Variants in GARIN1A observed in about 807,000 individuals in gnomAD.
The protein encoded by GARIN1A is Golgi-associated RAB2 interactor protein 1A.
the GARIN1A span, among the ~76,000 whole-genome samples, chr7:128,701,553 GC>G: frequency 6.6e-6 from 1 of 152,062 alleles, no homozygotes; most frequent in Non-Finnish European, 1.5e-5. Flanking sequence ...CACAGTCTAA[GC>G]TAATTCTGAT....
the GARIN1A span, among the ~76,000 whole-genome samples, chr7:128,696,370 C>T: frequency 3.2e-3 from 489 of 152,116 alleles, 2 homozygotes; most frequent in Admixed American, 4.7e-3. Context: ...TTGAAACTGC[C>T]CACTGCCCCT....
the GARIN1A span, among the ~76,000 whole-genome samples, chr7:128,699,922 G>A: frequency 6.6e-6 from 1 of 151,888 alleles, no homozygotes; most frequent in Non-Finnish European, 1.5e-5. Context: ...TATGTTCCTG[G>A]TGAATTGAAC....
the GARIN1A span, among the ~76,000 whole-genome samples, chr7:128,673,201 G>A: frequency 6.6e-6 from 1 of 152,206 alleles, no homozygotes; most frequent in Non-Finnish European, 1.5e-5. Flanking sequence ...AACATCTACT[G>A]AGTGCAGGGC....
At chr7:128,698,983 C>T in the GARIN1A span, among the ~76,000 whole-genome samples, 1 of 152,160 alleles carries the variant, frequency 6.6e-6, no homozygotes, top group Non-Finnish European at 1.5e-5. Context: ...CCTGTGTCAG[C>T]TAACTTATTG....
chr7:128,677,798 C>G, the GARIN1A span: 1 of 1,613,586 alleles, frequency 6.2e-7, no homozygotes, highest in Non-Finnish European at 8.5e-7. Flanking sequence ...TGCCCACCAA[C>G]TCCACAGAAA....
chr7:128,687,223 A>G, the GARIN1A span: 1 of 152,172 alleles, frequency 6.6e-6, no homozygotes, highest in Non-Finnish European at 1.5e-5. Flanking sequence ...TTCTCACCCA[A>G]TTGTGGCTAT....
chr7:128,690,638 T>C, the GARIN1A span: 1 of 152,304 alleles, frequency 6.6e-6, no homozygotes, highest in East Asian at 1.9e-4. Context: ...TTTTTATTTT[T>C]AAAAAATCTT....
the GARIN1A span, among the ~76,000 whole-genome samples, chr7:128,695,478 A>G: frequency 6.6e-6 from 1 of 152,324 alleles, no homozygotes; most frequent in Middle Eastern, 3.4e-3. The surrounding 1 kb of genome is among the most constrained non-coding windows in gnomAD (Gnocchi z 4.5). Flanking sequence ...CTTCATGGTC[A>G]CCACAAGGAG....
chr7:128,697,120 G>A, the GARIN1A span, among the ~76,000 whole-genome samples: 3 of 152,148 alleles, frequency 2.0e-5, no homozygotes, highest in Admixed American at 1.3e-4. Context: ...AATAAGTGGG[G>A]TTCAGATCCC....
the GARIN1A span, among the ~76,000 whole-genome samples, chr7:128,680,421 G>A: frequency 6.6e-6 from 1 of 152,222 alleles, no homozygotes; most frequent in Non-Finnish European, 1.5e-5. Flanking sequence ...TCAAAGAAGT[G>A]TAAGCTAACA....
At chr7:128,671,759 C>T in the GARIN1A span, among the ~76,000 whole-genome samples, 1 of 151,830 alleles carries the variant, frequency 6.6e-6, no homozygotes, top group Non-Finnish European at 1.5e-5. Flanking sequence ...CTCCAGCATA[C>T]AACTGTGCCA....
chr7:128,672,530 T>G, the GARIN1A span: 3 of 1,610,108 alleles, frequency 1.9e-6, no homozygotes, highest in South Asian at 2.2e-5. Context: ...CTCGGTGGTG[T>G]TTGAAAGCAA....
chr7:128,700,543 G>C, the GARIN1A span, among the ~76,000 whole-genome samples: 9 of 152,286 alleles, frequency 5.9e-5, no homozygotes, highest in East Asian at 1.5e-3. Flanking sequence ...GCCTCCCCAA[G>C]TGCTGGGATT....
the GARIN1A span, among the ~76,000 whole-genome samples, chr7:128,680,567 TTTA>T: frequency 3.6e-4 from 42 of 115,490 alleles, 2 homozygotes; most frequent in East Asian, 5.8e-4. Flanking sequence ...TTTCTTTCTT[TTTA>T]TTTTTTTTTT....
the GARIN1A span, chr7:128,683,100 G>A: frequency 1.9e-6 from 3 of 1,612,650 alleles, no homozygotes; most frequent in Admixed American, 1.7e-5. Flanking sequence ...GGACTGGAAT[G>A]AGCACCTTCT....
chr7:128,677,923 G>T, the GARIN1A span: 5 of 908,184 alleles, frequency 5.5e-6, no homozygotes, highest in Non-Finnish European at 7.9e-6. Flanking sequence ...AAAGCTCTTT[G>T]TAAATATCAT....
the GARIN1A span, among the ~76,000 whole-genome samples, chr7:128,689,098 C>A: frequency 6.6e-6 from 1 of 152,046 alleles, no homozygotes; most frequent in Admixed American, 6.6e-5. Context: ...CTTGTTCACT[C>A]AGTGCTCAAT....
chr7:128,680,834 T>C, the GARIN1A span, among the ~76,000 whole-genome samples: 5 of 152,182 alleles, frequency 3.3e-5, no homozygotes, highest in African/African-American at 1.2e-4. Flanking sequence ...CCCAAAGTGC[T>C]GGGATTACAG....
the GARIN1A span, chr7:128,675,816 A>G: frequency 6.2e-7 from 1 of 1,613,190 alleles, no homozygotes; most frequent in Non-Finnish European, 8.5e-7. Context: ...TCCATTTACC[A>G]CCTGGAGCAC....
Sources: allele counts gnomAD v4.1 joint callset (sites outside exome capture counted in the v4.1 genomes callset), GRCh38; gene constraint gnomAD v4.1.1; non-coding constraint Gnocchi (gnomAD v3.1); transcripts MANE v1.5; gene names NCBI Gene and HGNC (gene_info 2026-07-23, HGNC 2026-07-21).